The following SPIDR variants were observed in gnomAD, a reference collection of about 807,000 sequenced individuals.
SPIDR encodes DNA repair-scaffolding protein.
In SPIDR, 93 loss-of-function variants were observed where a neutral mutation model predicts 104.6. That is an observed-to-expected ratio of 0.89 (90% confidence interval 0.75 to 1.06). The LOEUF is 1.06. Among genes scored for constraint, SPIDR ranks in the 50% least tolerant of loss-of-function variants. SPIDR has a pLI of 0.00. For synonymous variants in SPIDR, 431 were observed against 416.9 expected, an observed-to-expected ratio of 1.03 and a Z score of -0.41; for missense variants, 1,154 against 1,111.2, an observed-to-expected ratio of 1.04 and a Z score of -0.55.
At chr8:47,548,812 C>T (rs1342524569) in intron 8 of SPIDR, among the ~76,000 whole-genome samples, 1 of 152,114 alleles carries the variant, frequency 6.6e-6, no homozygotes, top group Non-Finnish European at 1.5e-5. Flanking sequence ...GGTACATGTG[C>T]ACAACGTGCA....
chr8:47,687,568 G>A (rs1327727225), intron 11 of SPIDR, among the ~76,000 whole-genome samples: 1 of 152,176 alleles, frequency 6.6e-6, no homozygotes, highest in Admixed American at 6.5e-5. Context: ...ACAAGCATAT[G>A]AAAGAGGGCA....
At chr8:47,465,254 A>G (rs2074584920) in intron 8 of SPIDR, among the ~76,000 whole-genome samples, 2 of 152,318 alleles carry the variant, frequency 1.3e-5, no homozygotes, top group East Asian at 3.9e-4. Context: ...ATTATCAGCC[A>G]CTACCATAAG....
At position 47,683,456 on chromosome 8, in the gene SPIDR, C is replaced by T. The variant is rs80168450; in HGVS notation, c.1685+9515C>T. On this transcript the variant is annotated intron_variant, in intron 11 of 19. Transcript: ENST00000297423. ...GGCTGGGACTCATAGGTTCTAGTTT[C>T]TAGGCAGAGGCCCGTGGGAAAGCGC... Among the ~76,000 whole-genome samples, 142 of 152,306 alleles carry T rather than the reference C, an allele frequency of 9.3e-4. 1 individual carries two copies. The East Asian group carries it at 0.024, about 25-fold the overall frequency.
rs782789508 is a variant in SPIDR at position 47,396,418 on chromosome 8, AAAG to A, written c.573_575del (p.Glu191del). The stretch of plus-strand genomic sequence containing the variant: ...TTTAGAGTATTCATCAGATAGTGAA[AAAG>A]AAGATGATTTGGAAAATGTCCTACT... On this transcript the variant is annotated inframe_deletion, in exon 6 of 20. Transcript: ENST00000297423. The A allele has an allele frequency of 3.7e-6, 6 of 1,613,082 alleles. No individual in the cohort carries two copies. Among genetic ancestry groups the A allele is most frequent in the Non-Finnish European group, 5.1e-6 (6 of 1,179,048 alleles).
chr8:47,534,091 G>A (rs1378142293), intron 8 of SPIDR, among the ~76,000 whole-genome samples: 2 of 152,204 alleles, frequency 1.3e-5, no homozygotes, highest in African/African-American at 4.8e-5. Flanking sequence ...GTGAGTGACT[G>A]GTATTTCCCC....
rs534358447 is a variant in SPIDR, at chr8:47,342,487, C to T, written c.525+48457C>T. On this transcript the variant is annotated intron_variant, in intron 5 of 19. Transcript: ENST00000297423. ...GAGTAGCTAGGATTAGAAGTGCACG[C>T]CACCACACCCGGCTAATTTTTGTAT... 9.2e-5 allele frequency among the ~76,000 whole-genome samples: 14 copies of T among 151,942 alleles called. No homozygotes were observed. In the South Asian group the frequency reaches 2.7e-3, roughly 29 times the overall value.
intron 5 of SPIDR, among the ~76,000 whole-genome samples, chr8:47,339,886 G>C (rs1554612586): frequency 6.6e-6 from 1 of 151,684 alleles, no homozygotes; most frequent in East Asian, 1.9e-4. Flanking sequence ...TCACTATGTT[G>C]GGCAGGCTGG....
At chr8:47,369,311 T>G (rs1197712343) in intron 5 of SPIDR, among the ~76,000 whole-genome samples, 2 of 152,218 alleles carry the variant, frequency 1.3e-5, no homozygotes, top group Admixed American at 6.5e-5. Flanking sequence ...GTGGACTAGC[T>G]TTACCCCAAA....
rs575865843 is a variant in SPIDR, at chr8:47,641,034, A to G, written c.1545-32767A>G. Among the ~76,000 whole-genome samples, 35 of 151,172 alleles carry G rather than the reference A, an allele frequency of 2.3e-4. No homozygotes were observed. The South Asian group carries it at 5.0e-3, about 22-fold the overall frequency. On this transcript the variant is annotated intron_variant, in intron 10 of 19. Coordinates refer to ENST00000297423, the MANE Select transcript of SPIDR (RefSeq NM_001080394.4). ...GGCTGAGCTGTGATTTTTAAAAGGA[A>G]ATTTTTAATTAGATGCTGAAAAAGG...
chr8:47,448,456 A>G (rs557825741), intron 8 of SPIDR, among the ~76,000 whole-genome samples: 5 of 152,346 alleles, frequency 3.3e-5, no homozygotes, highest in East Asian at 1.9e-4. Flanking sequence ...TGGGAATACA[A>G]CATTCAACAT....
At chr8:47,538,722 C>T (rs2087442739) in intron 8 of SPIDR, among the ~76,000 whole-genome samples, 1 of 151,748 alleles carries the variant, frequency 6.6e-6, no homozygotes, top group African/African-American at 2.4e-5. Flanking sequence ...AGAGAGTAAA[C>T]CAAAGCCTTC....
chr8:47,489,290 T>C (rs2154365722), intron 8 of SPIDR, among the ~76,000 whole-genome samples: 1 of 152,282 alleles, frequency 6.6e-6, no homozygotes, highest in East Asian at 1.9e-4. Context: ...GAATCCAACT[T>C]ACAAGGGATG....
intron 5 of SPIDR, among the ~76,000 whole-genome samples, chr8:47,310,674 T>A (rs1418536573): frequency 1.3e-5 from 2 of 151,882 alleles, no homozygotes; most frequent in African/African-American, 4.8e-5. Context: ...CAAGACAGAG[T>A]TAGGGGTGAC....
intron 7 of SPIDR, among the ~76,000 whole-genome samples, chr8:47,420,596 C>T (rs1257289270): frequency 1.3e-5 from 2 of 152,110 alleles, no homozygotes; most frequent in Non-Finnish European, 2.9e-5. Context: ...TTTTAATTGG[C>T]ACATTTAGCC....
chr8:47,726,355 G>C (rs1407044596), intron 16 of SPIDR, among the ~76,000 whole-genome samples: 1 of 152,150 alleles, frequency 6.6e-6, no homozygotes, highest in Non-Finnish European at 1.5e-5. Flanking sequence ...GAAATTTTTT[G>C]TGCCAAGAGT....
intron 7 of SPIDR, among the ~76,000 whole-genome samples, chr8:47,409,702 CTT>C (rs2063239656): frequency 6.6e-6 from 1 of 152,172 alleles, no homozygotes; most frequent in Non-Finnish European, 1.5e-5. Context: ...CTTTAGAAGA[CTT>C]TTCAATTCTT....
At chr8:47,656,366 A>T (rs910532354) in intron 10 of SPIDR, among the ~76,000 whole-genome samples, 1 of 152,238 alleles carries the variant, frequency 6.6e-6, no homozygotes, top group Non-Finnish European at 1.5e-5. Context: ...TCAAATAGAC[A>T]TTTATTCAAA....
intron 10 of SPIDR, among the ~76,000 whole-genome samples, chr8:47,651,885 C>A (rs1025444564): frequency 6.6e-6 from 1 of 152,100 alleles, no homozygotes; most frequent in Non-Finnish European, 1.5e-5. Context: ...TTCTCACTTA[C>A]AAATGGGAGC....
chr8:47,419,829 C>T (rs1366018872), intron 7 of SPIDR, among the ~76,000 whole-genome samples: 2 of 152,040 alleles, frequency 1.3e-5, no homozygotes, highest in African/African-American at 4.8e-5. Flanking sequence ...TCTTTGTTCT[C>T]GTTGGTTTCA....
Sources: allele counts gnomAD v4.1 joint callset (sites outside exome capture counted in the v4.1 genomes callset), GRCh38; gene constraint gnomAD v4.1.1; transcripts MANE v1.5; gene names NCBI Gene and HGNC (gene_info 2026-07-23, HGNC 2026-07-21).